Variants in LRP2 observed in about 807,000 individuals in gnomAD.
LRP2 encodes LDL receptor related protein 2.
In LRP2, 172 loss-of-function variants were observed where a neutral mutation model predicts 531.0. The observed-to-expected ratio is 0.32, with a 90% CI of 0.29 to 0.37. LRP2 has a LOEUF of 0.37. Ranked by LOEUF, LRP2 falls within the 10% of genes least tolerant of loss-of-function variation. The pLI, the probability that LRP2 is intolerant of heterozygous loss-of-function variation, is 1.00. For missense variants in LRP2, 5,167 were observed against 5,868.3 expected (o/e 0.88, Z 3.90); for synonymous variants, 1,992 against 2,027.6 (o/e 0.98, Z 0.47).
intron 53 of LRP2, among the ~76,000 whole-genome samples, chr2:169,177,408 T>C (rs1687235590): frequency 6.6e-6 from 1 of 152,218 alleles, no homozygotes; most frequent in Non-Finnish European, 1.5e-5. Context: ...CACAATACAA[T>C]ATCATATGCA....
intron 48 of LRP2, among the ~76,000 whole-genome samples, chr2:169,191,143 G>A (rs573287224): frequency 2.0e-5 from 3 of 152,298 alleles, no homozygotes; most frequent in Admixed American, 6.5e-5. Flanking sequence ...TCCAACTTCT[G>A]TCAAAAAGAG....
intron 60 of LRP2, 71 bp downstream of exon 60, chr2:169,169,631 C>T (rs549556050): frequency 2.6e-4 from 305 of 1,153,732 alleles, no homozygotes; most frequent in Non-Finnish European, 3.5e-4. Context: ...GAAGCGGCAG[C>T]GGACTGATGT....
chr2:169,207,466 C>T (rs1200808712), intron 38 of LRP2, among the ~76,000 whole-genome samples: 1 of 152,198 alleles, frequency 6.6e-6, no homozygotes, highest in Non-Finnish European at 1.5e-5. Context: ...AGAGAAAGTG[C>T]CTATCTTCAG....
rs1399009931 is a variant in LRP2 at position 169,255,605 on chromosome 2, C to T, written c.2770+501G>A. On this transcript the variant is annotated intron_variant, in intron 19 of 78. Transcript: ENST00000649046. ...AACAAAGACGATGTCAGTTCTCCAA[C>T]ATTTTGAATAAAAAAGTTTCAAAGT... Among the ~76,000 whole-genome samples, 3 of 152,132 alleles carry T rather than the reference C, an allele frequency of 2.0e-5. No individual in the cohort carries two copies. In the East Asian group the frequency reaches 5.8e-4, roughly 29 times the overall value.
At chr2:169,169,351 C>G (rs1474050125) in intron 60 of LRP2, among the ~76,000 whole-genome samples, 3 of 152,136 alleles carry the variant, frequency 2.0e-5, no homozygotes, top group African/African-American at 7.2e-5. Context: ...GTTCGAATAC[C>G]CAACCCAAGT....
chr2:169,320,436 G>A (rs954726496), intron 2 of LRP2, among the ~76,000 whole-genome samples: 2 of 151,852 alleles, frequency 1.3e-5, no homozygotes, highest in Non-Finnish European at 2.9e-5. Context: ...TGTTCTTGTG[G>A]GTACACAAAA....
chr2:169,297,913 C>A (rs922869445), intron 4 of LRP2, among the ~76,000 whole-genome samples: 2 of 151,690 alleles, frequency 1.3e-5, no homozygotes, highest in South Asian at 4.2e-4. Context: ...ATAGAAAAAA[C>A]CATTATTATG....
intron 1 of LRP2, among the ~76,000 whole-genome samples, chr2:169,330,110 T>G (rs1270183643): frequency 6.6e-6 from 1 of 152,008 alleles, no homozygotes; most frequent in Non-Finnish European, 1.5e-5. Flanking sequence ...CTGCTGTCCA[T>G]GGAAAAATTG....
chr2:169,222,212 T>C (rs1298611330), intron 33 of LRP2, among the ~76,000 whole-genome samples: 2 of 152,194 alleles, frequency 1.3e-5, no homozygotes, highest in Non-Finnish European at 2.9e-5. Flanking sequence ...CCTTGGATCA[T>C]TATTCTCACA....
Position 169,294,269 on chromosome 2 carries a change from A to G in LRP2, c.539-8T>C, listed in dbSNP as rs1466193957. 1.9e-5 allele frequency: 29 copies of G among 1,498,262 alleles called. No individual in the cohort carries two copies. The highest frequency in any genetic ancestry group is 2.8e-5 in the African/African-American group (2 of 72,630). The allele number at this position is 1,498,262 out of a possible 1,614,324, so 92.8% of individuals were successfully genotyped here. ...TGTGCAAGCATATCTCAGCTGCAAC[A>G]GAAAGTTAAGAAGGGAAAGAAAAGA... is the stretch of plus-strand genomic sequence containing the variant. On this transcript the variant is annotated splice_polypyrimidine_tract_variant and splice_region_variant and intron_variant, in intron 5 of 78. Coordinates refer to ENST00000649046, the MANE Select transcript of LRP2 (RefSeq NM_004525.3).
At position 169,188,150 on chromosome 2, in the gene LRP2, C is replaced by T. The variant is rs774960835; in HGVS notation, c.9148G>A (p.Val3050Ile). The change falls in exon 49 of 79, where the codon GTC (valine) becomes ATC (isoleucine). Residue 3050 changes from valine (V) to isoleucine (I), a missense_variant. Val to Ile is a conservative substitution (Grantham distance 29). Coordinates refer to ENST00000649046, the MANE Select transcript of LRP2 (RefSeq NM_004525.3). ...CCACAGTCATTATCCTCATCACAGA[C>T]GAAGGTTTTACTAATGCAGCGCCCG... The part of the protein sequence containing the change: ...QNGRCISKTF[V>I]CDEDNDCGDG... 23 of 1,613,962 alleles carry T rather than the reference C, an allele frequency of 1.4e-5. No individual in the cohort carries two copies. The highest frequency in any genetic ancestry group is 2.7e-5 in the African/African-American group (2 of 74,870).
At chr2:169,159,120 T>C (rs377395203) in intron 63 of LRP2, among the ~76,000 whole-genome samples, 3 of 152,138 alleles carry the variant, frequency 2.0e-5, no homozygotes, top group Admixed American at 6.6e-5. Flanking sequence ...TGAACATAGA[T>C]AGTGAGTGAT....
In LRP2 at chr2:169,277,846, T is replaced by G; in HGVS notation, c.1671A>C (p.Gly557=). The G allele has an allele frequency of 2.5e-6, 4 of 1,614,164 alleles. No individual in the cohort carries two copies. The highest frequency in any genetic ancestry group is 3.4e-6 in the Non-Finnish European group (4 of 1,180,014). Residue 557 remains glycine, a synonymous_variant, in exon 13 of 79, where the codon GGA becomes GGC. Transcript: ENST00000649046. ...TATCCAGAGTTACCCCAGCAGGCCA[T>G]CCCAGCTTTGTTTTCACCAAGTCTT... ...NRKDLVKTKL[G]WPAGVTLDMI...
chr2:169,271,128 C>A (rs771660899), intron 15 of LRP2, 21 bp from the exon 16 acceptor site: 7 of 1,539,934 alleles, frequency 4.5e-6, no homozygotes, highest in Middle Eastern at 1.7e-4. Context: ...AATAACACAG[C>A]ACAGTCAGTC....
chr2:169,327,425 C>T (rs7567075), intron 1 of LRP2, among the ~76,000 whole-genome samples: 1 of 126,362 alleles, frequency 7.9e-6, no homozygotes, highest in African/African-American at 3.1e-5. Context: ...CCACCCCGTC[C>T]GGGAGGGAGG....
intron 34 of LRP2, among the ~76,000 whole-genome samples, chr2:169,218,729 G>A (rs954327642): frequency 5.9e-5 from 9 of 152,164 alleles, no homozygotes; most frequent in South Asian, 4.1e-4. Flanking sequence ...CAGAAGTGGC[G>A]TGCACTACTT....
chr2:169,237,398 G>T, intron 27 of LRP2, 111 bp from the exon 28 acceptor site: 1 of 882,686 alleles, frequency 1.1e-6, no homozygotes, highest in Non-Finnish European at 1.8e-6. Flanking sequence ...ATAATTACTT[G>T]TGGGGATTAG....
chr2:169,160,755 A>G (rs977963241), intron 63 of LRP2, among the ~76,000 whole-genome samples: 1 of 151,758 alleles, frequency 6.6e-6, no homozygotes, highest in Non-Finnish European at 1.5e-5. Context: ...TAAGCCACCT[A>G]TCAGTCTCTG....
chr2:169,325,867 C>T (rs1307698680), intron 1 of LRP2, among the ~76,000 whole-genome samples: 3 of 151,718 alleles, frequency 2.0e-5, no homozygotes, highest in Admixed American at 6.6e-5. Context: ...TGATTCAGAG[C>T]CCTGATGTTT....
Sources: gnomAD v4.1 joint callset for allele counts (sites outside exome capture counted in the v4.1 genomes callset) on GRCh38, gnomAD v4.1.1 for gene constraint, MANE v1.5 for transcripts, NCBI Gene and HGNC (gene_info 2026-07-23, HGNC 2026-07-21) for gene names.